The following CAPN13 variants were observed in gnomAD, a reference collection of about 807,000 sequenced individuals.
CAPN13 encodes the protein calpain-13.
Under a neutral mutation model 98.4 loss-of-function variants are expected in CAPN13, and 90 were observed. The observed-to-expected ratio is 0.92, with a 90% CI of 0.77 to 1.09. CAPN13 has a LOEUF of 1.09. Ranked by LOEUF, CAPN13 falls within the 50% of genes least tolerant of loss-of-function variation. CAPN13 has a pLI of 0.00. For synonymous variants in CAPN13, 330 were observed against 305.5 expected (o/e 1.08, Z -0.84); for missense variants, 887 against 841.3 (o/e 1.05, Z -0.67).
intron 3 of CAPN13, among the ~76,000 whole-genome samples, chr2:30,776,587 C>G (rs1245315369): frequency 6.6e-6 from 1 of 152,178 alleles, no homozygotes; most frequent in Non-Finnish European, 1.5e-5. Context: ...TTGAGGAAAA[C>G]TGATTCGCGT....
intron 1 of CAPN13, among the ~76,000 whole-genome samples, chr2:30,803,200 C>A (rs756554658): frequency 1.3e-5 from 2 of 152,176 alleles, no homozygotes; most frequent in Non-Finnish European, 2.9e-5. Flanking sequence ...GAATGTTTGG[C>A]GAGAAGAACA....
chr2:30,788,722 A>C (rs965263551), intron 1 of CAPN13, among the ~76,000 whole-genome samples: 10 of 152,242 alleles, frequency 6.6e-5, no homozygotes, highest in Non-Finnish European at 1.2e-4. Context: ...AGAAAAATAC[A>C]TGTAAACTTA....
intron 10 of CAPN13, 63 bp from the exon 11 acceptor site, chr2:30,751,314 T>C (rs965700657): frequency 5.7e-6 from 9 of 1,577,798 alleles, no homozygotes; most frequent in African/African-American, 1.3e-5. Context: ...GGCAGGGCCA[T>C]GTCCAGTGCA....
At chr2:30,727,744 G>T (rs1482184154) in intron 22 of CAPN13, among the ~76,000 whole-genome samples, 1 of 152,106 alleles carries the variant, frequency 6.6e-6, no homozygotes, top group African/African-American at 2.4e-5. Context: ...AAAACAGTTT[G>T]GTGGTTCCTC....
intron 17 of CAPN13, chr2:30,737,926 T>C (rs1671455293): frequency 2.5e-6 from 1 of 398,224 alleles, no homozygotes; most frequent in South Asian, 2.6e-5. Flanking sequence ...TATGAGATGA[T>C]ACTTTTTTGT....
chr2:30,800,146 AAG>A (rs1400739455), intron 1 of CAPN13, among the ~76,000 whole-genome samples: 4 of 148,532 alleles, frequency 2.7e-5, no homozygotes, highest in African/African-American at 1.0e-4. Flanking sequence ...GAAAGAAAGA[AAG>A]AAAGAAAGAA....
intron 1 of CAPN13, among the ~76,000 whole-genome samples, chr2:30,800,158 AAG>A (rs779246496): frequency 1.3e-5 from 2 of 150,342 alleles, no homozygotes; most frequent in Non-Finnish European, 3.0e-5. Context: ...GAAAGAAAGA[AAG>A]AAAGAAAGAA....
chr2:30,763,145 T>C lies in CAPN13; in HGVS notation c.711A>G (p.Thr237=). ...TCATPSGPTD[T]AQAMENGLVS... is the part of the protein sequence containing the mutation. Reference sequence around the variant, plus strand: ...CCAGCCCATTCTCCATCGCCTGTGCTGTATCTGTTGGCTTCAAGGCAGAAA... The same window carrying C: ...CCAGCCCATTCTCCATCGCCTGTGCCGTATCTGTTGGCTTCAAGGCAGAAA... Residue 237 remains threonine (T), a synonymous_variant, in exon 7 of 23, where the codon ACA becomes ACG. Transcript: ENST00000295055. The C allele has an allele frequency of 6.2e-7, 1 of 1,611,016 alleles. No homozygotes were observed. The highest frequency in any genetic ancestry group is 8.5e-7 in the Non-Finnish European group (1 of 1,178,722).
At chr2:30,753,256 G>C (rs2147994282) in intron 9 of CAPN13, 58 bp from the exon 10 acceptor site, 2 of 1,583,880 alleles carry the variant, frequency 1.3e-6, no homozygotes, top group Non-Finnish European at 1.7e-6. Flanking sequence ...CAGGGTGGGG[G>C]TTCCTATGAC....
intron 17 of CAPN13, chr2:30,738,010 A>C: frequency 1.8e-6 from 1 of 564,150 alleles, no homozygotes; most frequent in Non-Finnish European, 3.3e-6. Context: ...CACACACCCC[A>C]GTACACTGAT....
At chr2:30,730,192 C>G (rs185355546) in intron 22 of CAPN13, among the ~76,000 whole-genome samples, 10 of 152,036 alleles carry the variant, frequency 6.6e-5, no homozygotes, top group Non-Finnish European at 1.2e-4. Context: ...CTATGTAACT[C>G]TAGGGTCTGT....
chr2:30,732,838 T>C (rs1334678962), intron 19 of CAPN13, among the ~76,000 whole-genome samples: 1 of 152,136 alleles, frequency 6.6e-6, no homozygotes, highest in Non-Finnish European at 1.5e-5. Flanking sequence ...TCCCACGTAA[T>C]GGGAGAGCTG....
chr2:30,745,819 T>A, intron 11 of CAPN13, 85 bp from the exon 12 acceptor site: 2 of 1,165,542 alleles, frequency 1.7e-6, no homozygotes, highest in Non-Finnish European at 2.5e-6. Flanking sequence ...GGCTCATTGG[T>A]TTCATCCCTG....
At chr2:30,773,103 C>T (rs1423271005) in intron 4 of CAPN13, among the ~76,000 whole-genome samples, 3 of 152,190 alleles carry the variant, frequency 2.0e-5, no homozygotes, top group African/African-American at 7.2e-5. Flanking sequence ...GGATTACAGG[C>T]GTGAGCCACT....
chr2:30,738,978 G>A (rs1230242136), intron 15 of CAPN13, among the ~76,000 whole-genome samples: 2 of 152,128 alleles, frequency 1.3e-5, no homozygotes, highest in African/African-American at 2.4e-5. Flanking sequence ...AGCACATTAC[G>A]TAGCATTAAT....
At chr2:30,799,979 C>T (rs759214740) in intron 1 of CAPN13, among the ~76,000 whole-genome samples, 3 of 151,848 alleles carry the variant, frequency 2.0e-5, no homozygotes, top group Non-Finnish European at 4.4e-5. Context: ...GAGACTGAGG[C>T]AGGAGAATGG....
At position 30,728,860 on chromosome 2, in the gene CAPN13, C is replaced by T. The variant is rs373551948; in HGVS notation, c.*30+1870G>A. Among the ~76,000 whole-genome samples, 9 of 152,218 alleles carry T rather than the reference C, an allele frequency of 5.9e-5. No homozygotes were observed. The East Asian group carries it at 1.7e-3, about 29-fold the overall frequency. ...GAGAGAGATGATGTCAAAGAAATCT[C>T]AACTGAAGCAGTTAGCAGGGAGAGT... On this transcript the variant is annotated intron_variant, in intron 22 of 22. Coordinates refer to ENST00000295055, the MANE Select transcript of CAPN13 (RefSeq NM_144575.3).
intron 20 of CAPN13, among the ~76,000 whole-genome samples, chr2:30,731,729 C>A (rs985743298): frequency 1.3e-5 from 2 of 152,206 alleles, no homozygotes; most frequent in Admixed American, 1.3e-4. Flanking sequence ...TTCAGTGATA[C>A]AATTTGGGGA....
At position 30,787,160 on chromosome 2, in the gene CAPN13, G is replaced by A. The variant is rs370459102; in HGVS notation, c.166C>T (p.Arg56Cys). ...SIGQKLLQEK[R>C]LSNVIWKRPQ... ...CGCTTCCATATCACATTGGAGAGGC[G>A]TTTTTCCTGGAGCAGCTTCTGGCCT... The change falls in exon 2 of 23, where the codon CGC becomes TGC. Residue 56 changes from arginine to cysteine, a missense_variant. By Grantham distance (180) the Arg-to-Cys change is radical (BLOSUM62 -3). Transcript: ENST00000295055. 6.5e-5 allele frequency: 103 copies of A among 1,579,776 alleles called. No homozygotes were observed. The Middle Eastern group carries it at 2.9e-3, about 45-fold the overall frequency.
Sources: allele counts gnomAD v4.1 joint callset (sites outside exome capture counted in the v4.1 genomes callset), GRCh38; gene constraint gnomAD v4.1.1; transcripts MANE v1.5; gene names NCBI Gene and HGNC (gene_info 2026-07-23, HGNC 2026-07-21).